Variants in COL22A1 observed in about 807,000 individuals in gnomAD.
COL22A1 encodes collagen alpha-1(XXII) chain.
Under a neutral mutation model 248.9 loss-of-function variants are expected in COL22A1, and 221 were observed. The observed-to-expected ratio is 0.89, with a 90% confidence interval of 0.80 to 0.99. The LOEUF is 0.99. COL22A1 is among the 50% of genes least tolerant of loss of function. The pLI is 0.00. For missense variants in COL22A1, 2,240 were observed against 2,179.0 expected (o/e 1.03, Z -0.56); for synonymous variants, 891 against 793.4 (o/e 1.12, Z -2.07).
chr8:138,886,991 A>G (rs1027380243), intron 1 of COL22A1, among the ~76,000 whole-genome samples: 2 of 152,198 alleles, frequency 1.3e-5, no homozygotes, highest in Non-Finnish European at 2.9e-5. Flanking sequence ...GGCATGCAAC[A>G]TGAAATAGCC....
At chr8:138,612,796 C>T (rs937934634) in intron 56 of COL22A1, among the ~76,000 whole-genome samples, 1 of 151,788 alleles carries the variant, frequency 6.6e-6, no homozygotes, top group Non-Finnish European at 1.5e-5. Context: ...TAATCAGCGG[C>T]GTGGTGGCAC....
chr8:138,740,960 G>A (rs1451942117), intron 22 of COL22A1, among the ~76,000 whole-genome samples: 1 of 152,066 alleles, frequency 6.6e-6, no homozygotes, highest in Non-Finnish European at 1.5e-5. Flanking sequence ...CTTCCTTCAG[G>A]CCCTCCTGGG....
intron 23 of COL22A1, among the ~76,000 whole-genome samples, chr8:138,726,065 C>G (rs1014362113): frequency 3.9e-5 from 6 of 152,116 alleles, no homozygotes; most frequent in African/African-American, 1.4e-4. Context: ...TACACTTAAA[C>G]TTTGGGGCAT....
intron 1 of COL22A1, among the ~76,000 whole-genome samples, chr8:138,909,947 C>T (rs1160393512): frequency 2.0e-5 from 3 of 152,314 alleles, no homozygotes; most frequent in Non-Finnish European, 4.4e-5. Flanking sequence ...ATCTGAGATA[C>T]ATCATTGCCA....
chr8:138,623,807 G>A (rs748538945), intron 51 of COL22A1, 22 bp from the exon 52 acceptor site: 52 of 1,608,112 alleles, frequency 3.2e-5, no homozygotes, highest in Non-Finnish European at 4.1e-5. Flanking sequence ...ACTCAAATTG[G>A]TTATCAGGTC....
chr8:138,751,323 C>A, intron 22 of COL22A1, 135 bp downstream of exon 22: 1 of 628,244 alleles, frequency 1.6e-6, no homozygotes, highest in Non-Finnish European at 2.8e-6. Context: ...GAACTGAATC[C>A]AACCCTTCAT....
chr8:138,894,738 T>C (rs992696236), intron 1 of COL22A1, among the ~76,000 whole-genome samples: 1 of 152,200 alleles, frequency 6.6e-6, no homozygotes, highest in Non-Finnish European at 1.5e-5. Context: ...TCTCTGACCT[T>C]AGTGTCAGCT....
At chr8:138,853,962 C>T (rs1821822450) in intron 3 of COL22A1, among the ~76,000 whole-genome samples, 1 of 152,198 alleles carries the variant, frequency 6.6e-6, no homozygotes, top group Non-Finnish European at 1.5e-5. Context: ...AACTACAAGA[C>T]CAGTGTGGGG....
intron 12 of COL22A1, among the ~76,000 whole-genome samples, chr8:138,793,058 G>A (rs1453326311): frequency 6.6e-6 from 1 of 152,196 alleles, no homozygotes; most frequent in Non-Finnish European, 1.5e-5. Context: ...ACATGCAGAA[G>A]CCAATGCACA....
At chr8:138,834,939 G>A (rs1040888931) in intron 4 of COL22A1, among the ~76,000 whole-genome samples, 1 of 152,116 alleles carries the variant, frequency 6.6e-6, no homozygotes, top group Admixed American at 6.5e-5. Flanking sequence ...GGGGACCCCA[G>A]AAATAAGAAA....
At chr8:138,790,546 C>T (rs969275474) in intron 12 of COL22A1, among the ~76,000 whole-genome samples, 16 of 152,230 alleles carry the variant, frequency 1.1e-4, no homozygotes, top group Admixed American at 9.2e-4. Context: ...CCTCCTCCCG[C>T]TCTGCAGTCC....
chr8:138,895,000 A>G (rs1441042403), intron 1 of COL22A1, among the ~76,000 whole-genome samples: 1 of 151,536 alleles, frequency 6.6e-6, no homozygotes, highest in African/African-American at 2.4e-5. Context: ...TTGAAGCTGC[A>G]GTGAGCTATG....
At chr8:138,865,921 GTA>G (rs367563250) in intron 3 of COL22A1, among the ~76,000 whole-genome samples, 39 of 149,842 alleles carry the variant, frequency 2.6e-4, no homozygotes, top group African/African-American at 9.6e-4. Flanking sequence ...GCATGTGAGT[GTA>G]TATGTGTGTG....
intron 52 of COL22A1, 64 bp from the exon 53 acceptor site, chr8:138,619,572 T>C: frequency 6.8e-7 from 1 of 1,479,234 alleles, no homozygotes; most frequent in African/African-American, 1.4e-5. Context: ...TATTCCTGGC[T>C]CTCTGTGTTT....
intron 21 of COL22A1, among the ~76,000 whole-genome samples, chr8:138,754,265 T>TATA (rs1554614446): frequency 6.6e-6 from 1 of 151,956 alleles, no homozygotes; most frequent in Non-Finnish European, 1.5e-5. Flanking sequence ...TCTCAACAGT[T>TATA]ACAATTGTGG....
At chr8:138,720,582 G>C (rs140272850) in intron 27 of COL22A1, among the ~76,000 whole-genome samples, 157 bp downstream of exon 27, 1 of 152,176 alleles carries the variant, frequency 6.6e-6, no homozygotes, top group African/African-American at 2.4e-5. Context: ...CCTGGTTGGA[G>C]CCCTTAACCC....
At position 138,715,663 on chromosome 8, in the gene COL22A1, G is replaced by A. The variant is rs780296442; in HGVS notation, c.2517+19C>T. The stretch of plus-strand genomic sequence containing the variant: ...ACTAATAATAATTGATGGTCAGAAT[G>A]AGAGCAAGTTTCTCCTACCTTTTCA... On this transcript the variant is annotated intron_variant, in intron 30 of 64. Transcript: ENST00000303045. 5.4e-5 allele frequency: 86 copies of A among 1,595,412 alleles called. 1 individual carries two copies. The South Asian group carries it at 9.1e-4, about 17-fold the overall frequency.
At chr8:138,856,345 T>C (rs10105721) in intron 3 of COL22A1, among the ~76,000 whole-genome samples, 2,512 of 152,148 alleles carry the variant, frequency 0.017, 61 homozygotes, top group African/African-American at 0.057. Context: ...GTGAATGCAT[T>C]TGGGCGTTTC....
chr8:138,596,626 GAATA>G (rs771547429), intron 62 of COL22A1, among the ~76,000 whole-genome samples: 192 of 152,326 alleles, frequency 1.3e-3, no homozygotes, highest in Non-Finnish European at 2.3e-3. Context: ...TCAATGCACA[GAATA>G]AATGATTGAT....
Sources: allele counts gnomAD v4.1 joint callset (sites outside exome capture counted in the v4.1 genomes callset), GRCh38; gene constraint gnomAD v4.1.1; transcripts MANE v1.5; gene names NCBI Gene and HGNC (gene_info 2026-07-23, HGNC 2026-07-21).